Variants in S100A5 observed in about 807,000 individuals in gnomAD.
S100A5 encodes protein S100-A5.
A neutral mutation model predicts 6.7 loss-of-function variants in S100A5; 5 were observed. The ratio of observed to expected loss-of-function variants is 0.75; its 90% CI spans 0.39 to 1.57. The LOEUF (loss-of-function observed/expected upper bound fraction) is 1.57. Among genes scored for constraint, S100A5 ranks in the 40% most tolerant of loss-of-function variants. S100A5 has a pLI of 0.03. For missense variants in S100A5, 129 were observed against 110.8 expected, an observed-to-expected ratio of 1.16 and a Z score of -0.74; for synonymous variants, 49 against 44.9, an observed-to-expected ratio of 1.09 and a Z score of -0.37.
Position 153,537,373 on chromosome 1 carries a change from C to A in S100A5, c.202G>T (p.Asp68Tyr), listed in dbSNP as rs779596740. 10 of 1,614,152 alleles carry A rather than the reference C, an allele frequency of 6.2e-6. No homozygotes were observed. The highest frequency in any genetic ancestry group is 8.5e-6 in the Non-Finnish European group (10 of 1,180,014). Residue 68 changes from aspartate (D) to tyrosine (Y), a missense_variant, in exon 3 of 3, where the codon GAC becomes TAC. Asp to Tyr is a radical substitution (Grantham distance 160, BLOSUM62 -3). Transcript: ENST00000368717. The part of the protein sequence containing the change: ...SLDKNSDQEI[D>Y]FKEYSVFLTM... The stretch of plus-strand genomic sequence containing the variant: ...AGGAACACCGAGTACTCCTTGAAGT[C>A]GATCTCCTGGTCGCTGTTCTTGTCC...
In S100A5 at chr1:153,540,159, AG is replaced by A; in HGVS notation, c.32del (p.Thr11IlefsTer3). METPLEKALT[T>X]MVTTFHKYSG... ...AATATTTGTGAAACGTGGTCACCATAGTGGTCAGGGCCTTCTCCAGAGGAGT... is the reference window on the plus strand; with the variant it reads ...AATATTTGTGAAACGTGGTCACCATATGGTCAGGGCCTTCTCCAGAGGAGT... On this transcript the variant is annotated frameshift_variant, in exon 2 of 3. Coordinates refer to ENST00000368717, the MANE Select transcript of S100A5 (RefSeq NM_001394232.1). LOFTEE classifies it high-confidence loss of function. The A allele has an allele frequency of 6.2e-7, 1 of 1,614,130 alleles. No homozygotes were observed. Among genetic ancestry groups the A allele is most frequent in the Non-Finnish European group, 8.5e-7 (1 of 1,180,008 alleles).
rs1553214733 is a variant in S100A5 at position 153,539,473 on chromosome 1, A to ATTTATTTATTTATT, written c.138+580_138+581insAATAAATAAATAAA. On this transcript the variant is annotated intron_variant, in intron 2 of 2. Coordinates refer to ENST00000368717, the MANE Select transcript of S100A5 (RefSeq NM_001394232.1). The stretch of plus-strand genomic sequence containing the variant: ...AAAATATATATATATATATATATAT[A>ATTTATTTATTTATT]TATTTATTTATTTATTTATCCTCGG... Among the ~76,000 whole-genome samples the ATTTATTTATTTATT allele has an allele frequency of 3.7e-4, 43 of 115,146 alleles. 1 individual carries two copies. Among genetic ancestry groups the ATTTATTTATTTATT allele is most frequent in the African/African-American group, 1.7e-3 (39 of 22,672 alleles). The allele number at this position is 115,146 out of a possible 152,430, so 75.5% of individuals were successfully genotyped here.
intron 2 of S100A5, among the ~76,000 whole-genome samples, chr1:153,539,188 G>C (rs112191144): frequency 7.2e-4 from 109 of 151,770 alleles, no homozygotes; most frequent in African/African-American, 2.4e-3. Context: ...AACACTTTGG[G>C]AGTCCGAGGC....
At chr1:153,540,309 G>C in intron 1 of S100A5, 104 bp from the exon 2 acceptor site, 1 of 1,195,920 alleles carries the variant, frequency 8.4e-7, no homozygotes, top group African/African-American at 1.5e-5. Flanking sequence ...CTGGAACCCA[G>C]GATGAGACTG....
chr1:153,542,760 C>T (rs1176424660), upstream of S100A5, among the ~76,000 whole-genome samples: 2 of 152,180 alleles, frequency 1.3e-5, no homozygotes, highest in East Asian at 3.9e-4. Context: ...GAAGCAATAT[C>T]ATGCCTTATA....
chr1:153,542,221 C>T (rs1478449042), upstream of S100A5, among the ~76,000 whole-genome samples: 2 of 152,158 alleles, frequency 1.3e-5, no homozygotes, highest in Non-Finnish European at 2.9e-5. Flanking sequence ...ATACTTCTAC[C>T]ACCAGTCCAA....
At chr1:153,541,793 C>A, upstream of S100A5, 1 of 1,072,070 alleles carries the variant, frequency 9.3e-7, no homozygotes, top group Non-Finnish European at 1.1e-6. Context: ...CTCCCCGTGT[C>A]CTAGGAAGCT....
chr1:153,543,443 G>A (rs1305349606), upstream of S100A5, among the ~76,000 whole-genome samples: 3 of 152,040 alleles, frequency 2.0e-5, no homozygotes, highest in East Asian at 1.9e-4. Context: ...TGACCACACC[G>A]AGTGAACTCT....
chr1:153,539,443 AAAAAAAAATATATATAT>A (rs1308716102), intron 2 of S100A5, among the ~76,000 whole-genome samples: 3 of 112,754 alleles, frequency 2.7e-5, no homozygotes, highest in African/African-American at 1.4e-4. Context: ...AAAAAAAAAA[AAAAAAAAATATATATAT>A]ATATATATAT....
At chr1:153,541,739 T>C (rs1405906107), upstream of S100A5, 12 of 1,133,990 alleles carry the variant, frequency 1.1e-5, no homozygotes, top group South Asian at 1.9e-4. Flanking sequence ...CAGGCTGTCC[T>C]GGAAAGAAAA....
chr1:153,539,921 C>A, intron 2 of S100A5, 133 bp downstream of exon 2: 1 of 1,047,728 alleles, frequency 9.5e-7, no homozygotes, highest in Non-Finnish European at 1.4e-6. Context: ...TCCCCACCAT[C>A]TTCCTTTGTC....
upstream of S100A5, chr1:153,541,312 A>G (rs1437157855): frequency 1.6e-6 from 2 of 1,247,612 alleles, no homozygotes; most frequent in African/African-American, 3.1e-5. Flanking sequence ...GGTCACCACC[A>G]CTTGTCACCC....
chr1:153,539,015 A>G (rs897656988), intron 2 of S100A5, among the ~76,000 whole-genome samples: 2 of 152,062 alleles, frequency 1.3e-5, no homozygotes, highest in African/African-American at 4.8e-5. Flanking sequence ...TTGTAGTCCT[A>G]GCTTCTCAGG....
At chr1:153,543,049 C>G (rs743687), upstream of S100A5, among the ~76,000 whole-genome samples, 17,581 of 152,100 alleles carry the variant, frequency 0.12, 1,619 homozygotes, top group African/African-American at 0.26. Context: ...ACATTGCCCT[C>G]CCTGATCCTA....
upstream of S100A5, chr1:153,541,648 C>G: frequency 8.6e-7 from 1 of 1,156,886 alleles, no homozygotes; most frequent in Non-Finnish European, 1.1e-6. Flanking sequence ...CGTCCCCAAT[C>G]CCAGAAACTT....
At chr1:153,543,643 G>T, upstream of S100A5, 2 of 1,014,866 alleles carry the variant, frequency 2.0e-6, no homozygotes, top group Non-Finnish European at 2.9e-6. Context: ...AATCTTTATT[G>T]AACTTGCTCA....
chr1:153,541,812 C>T (rs143056810), upstream of S100A5: 32 of 1,046,858 alleles, frequency 3.1e-5, no homozygotes, highest in East Asian at 2.5e-3. Context: ...CTCTCCACAT[C>T]GGGCCCCTCC....
upstream of S100A5, among the ~76,000 whole-genome samples, chr1:153,542,533 T>C (rs1247997993): frequency 6.6e-6 from 1 of 152,192 alleles, no homozygotes; most frequent in African/African-American, 2.4e-5. Flanking sequence ...CTGAGTCACC[T>C]GCCCCACTCC....
At chr1:153,539,444 AAAAAAAATATAT>A (rs1665303318) in intron 2 of S100A5, among the ~76,000 whole-genome samples, 1 of 104,328 alleles carries the variant, frequency 9.6e-6, no homozygotes, top group Non-Finnish European at 1.8e-5. Context: ...AAAAAAAAAA[AAAAAAAATATAT>A]ATATATATAT....
Sources: allele counts gnomAD v4.1 joint callset (sites outside exome capture counted in the v4.1 genomes callset), GRCh38; gene constraint gnomAD v4.1.1; transcripts MANE v1.5; gene names NCBI Gene and HGNC (gene_info 2026-07-23, HGNC 2026-07-21).